NID2: variants seen among roughly 807,000 people sequenced by gnomAD.
NID2 encodes the protein nidogen-2.
In NID2, 83 loss-of-function variants were observed where a neutral mutation model predicts 145.4. The observed-to-expected ratio is 0.57, with a 90% CI of 0.48 to 0.69. NID2 has a LOEUF of 0.69. Ranked by LOEUF, NID2 falls within the 30% of genes least tolerant of loss-of-function variation. NID2 has a pLI of 0.00. For synonymous variants in NID2, 739 were observed against 701.3 expected, an observed-to-expected ratio of 1.05 and a Z score of -0.85; for missense variants, 1,807 against 1,765.7, an observed-to-expected ratio of 1.02 and a Z score of -0.42.
rs773501333 is a variant in NID2, at chr14:52,014,335, A to G, written c.3372T>C (p.Asn1124=). The change falls in exon 16 of 22, where the codon AAT becomes AAC. Residue 1124 remains asparagine (N), a synonymous_variant. Coordinates refer to ENST00000216286, the MANE Select transcript of NID2 (RefSeq NM_007361.4). ...CTGCATCCTTCTGAAGCCTGGTGCC[A>G]TTGAGGGGTAAGTAGCCAATCTGCT... The part of the protein sequence containing the change: ...QGQQIGYLPL[N]GTRLQKDAAK... 15 of 1,614,136 alleles carry G rather than the reference A, an allele frequency of 9.3e-6. No individual in the cohort carries two copies. Among genetic ancestry groups the G allele is most frequent in the Non-Finnish European group, 1.3e-5 (15 of 1,180,042 alleles).
rs746326781 is a variant in NID2 at position 52,011,666 on chromosome 14, T to C, written c.3438A>G (p.Gly1146=). ...TCCTCTCCCGGCAGTCGTAATCAATTCCCACGATTATGGAGCCCTTTGTGC... is the reference window on the plus strand; with the variant it reads ...TCCTCTCCCGGCAGTCGTAATCAATCCCCACGATTATGGAGCCCTTTGTGC... The part of the protein sequence containing the change: ...LLSLHGSIIV[G]IDYDCRERMV... The change falls in exon 17 of 22, where the codon GGA becomes GGG. Residue 1146 remains glycine, a synonymous_variant. Coordinates refer to ENST00000216286, the MANE Select transcript of NID2 (RefSeq NM_007361.4). 6 of 1,614,198 alleles carry C rather than the reference T, an allele frequency of 3.7e-6. No individual in the cohort carries two copies. In the South Asian group the frequency reaches 6.6e-5, roughly 18 times the overall value.
intron 13 of NID2, 68 bp from the exon 14 acceptor site, chr14:52,019,362 C>A (rs745828412): frequency 9.4e-6 from 12 of 1,274,270 alleles, no homozygotes; most frequent in Admixed American, 5.1e-5. Context: ...TCCACTTCAC[C>A]AGCCCACAGC....
At chr14:52,016,619 A>G (rs1440311065) in intron 14 of NID2, among the ~76,000 whole-genome samples, 3 of 152,114 alleles carry the variant, frequency 2.0e-5, no homozygotes, top group African/African-American at 4.8e-5. Context: ...CCTGGTCAAA[A>G]AGCCTCATCC....
rs80149201 is a variant in NID2, at chr14:52,051,243, T to A, written c.1429+2336A>T. Reference sequence around the variant, plus strand: ...TCTGGGCCTTTAACTAAATCTTAATTTCTTGGTTTAGCAAGATGACTACCC... The same window carrying A: ...TCTGGGCCTTTAACTAAATCTTAATATCTTGGTTTAGCAAGATGACTACCC... On this transcript the variant is annotated intron_variant, in intron 5 of 21. Transcript: ENST00000216286. 1.5e-3 allele frequency among the ~76,000 whole-genome samples: 230 copies of A among 152,312 alleles called. 4 individuals carry two copies. Among genetic ancestry groups the A allele is most frequent in the Non-Finnish European group, 1.3e-3 (90 of 68,020 alleles).
chr14:52,064,306 A>C (rs773022398), intron 2 of NID2, among the ~76,000 whole-genome samples: 1 of 152,204 alleles, frequency 6.6e-6, no homozygotes. Context: ...AAAGAAAAGG[A>C]ATTTACTTCT....
chr14:52,037,586 A>G (rs1321306019), intron 9 of NID2, among the ~76,000 whole-genome samples: 2 of 152,234 alleles, frequency 1.3e-5, no homozygotes, highest in Non-Finnish European at 2.9e-5. Flanking sequence ...TTTGAGAAAT[A>G]CAAGTCTGAC....
In NID2 at chr14:52,020,147, G is replaced by A. The variant is rs1319145539; in HGVS notation, c.2706C>T (p.His902=). The stretch of plus-strand genomic sequence containing the variant: ...GAGTATTGTAGCAGGTAGCTGCAGG[G>A]TGACATCTGTTTTCTGAGCATTCAT... ...DVDECSENRC[H]PAATCYNTPG... is the part of the protein sequence containing the mutation. The change falls in exon 13 of 22, where the codon CAC becomes CAT. Residue 902 remains histidine, a synonymous_variant. Transcript: ENST00000216286. 3.7e-6 allele frequency: 6 copies of A among 1,613,950 alleles called. No individual in the cohort carries two copies. The highest frequency in any genetic ancestry group is 5.1e-6 in the Non-Finnish European group (6 of 1,179,938).
rs549569749 is a variant in NID2, at chr14:52,015,741, C to CA, written c.3029-467dup. On this transcript the variant is annotated intron_variant, in intron 14 of 21. Transcript: ENST00000216286. ...ATTTGTATTCATTCCCCACTTGCTT[C>CA]AAGCTTCAAGCTCGAAGCTGCTGAG... Among the ~76,000 whole-genome samples, 30 of 152,290 alleles carry CA rather than the reference C, an allele frequency of 2.0e-4. No individual in the cohort carries two copies. The South Asian group carries it at 6.0e-3, about 31-fold the overall frequency.
At chr14:52,026,163 T>C (rs966767207) in intron 12 of NID2, among the ~76,000 whole-genome samples, 1 of 152,222 alleles carries the variant, frequency 6.6e-6, no homozygotes, top group Non-Finnish European at 1.5e-5. Flanking sequence ...CAGCCCATCC[T>C]GCTGAAACCA....
intron 2 of NID2, among the ~76,000 whole-genome samples, chr14:52,061,194 C>T (rs1045542394): frequency 1.1e-4 from 16 of 152,168 alleles, no homozygotes; most frequent in African/African-American, 3.9e-4. Flanking sequence ...TTCGTGGTTC[C>T]CTGTGCCTAG....
chr14:52,059,945 T>C (rs928370203), intron 3 of NID2, among the ~76,000 whole-genome samples, 179 bp downstream of exon 3: 1 of 152,134 alleles, frequency 6.6e-6, no homozygotes. Context: ...TAAAGGACCT[T>C]TTATGTTTTG....
chr14:52,006,329 TTTCTGGG>T, intron 20 of NID2: 1 of 548,478 alleles, frequency 1.8e-6, no homozygotes, highest in Non-Finnish European at 3.2e-6. Flanking sequence ...TACCATTCGA[TTTCTGGG>T]TGAAGTAAAA....
chr14:52,013,076 T>C (rs1325886970), intron 16 of NID2, among the ~76,000 whole-genome samples: 3 of 152,226 alleles, frequency 2.0e-5, no homozygotes, highest in Non-Finnish European at 4.4e-5. Context: ...AGAGTACACA[T>C]TCAAATGAGC....
intron 2 of NID2, among the ~76,000 whole-genome samples, chr14:52,065,928 A>G (rs1469751771): frequency 1.4e-5 from 2 of 145,554 alleles, no homozygotes; most frequent in Admixed American, 6.9e-5. Context: ...GGTTGGTTCC[A>G]AGTCTTTGCT....
At chr14:52,015,934 T>G (rs1891201496) in intron 14 of NID2, among the ~76,000 whole-genome samples, 1 of 152,192 alleles carries the variant, frequency 6.6e-6, no homozygotes, top group Non-Finnish European at 1.5e-5. Context: ...AGCTTAAAAA[T>G]GGTTCTTCCA....
intron 5 of NID2, among the ~76,000 whole-genome samples, chr14:52,051,652 C>T (rs1444057515): frequency 2.0e-5 from 3 of 152,174 alleles, no homozygotes; most frequent in African/African-American, 2.4e-5. Flanking sequence ...CACTGCATCC[C>T]CTCAAAAGTA....
Position 52,060,363 on chromosome 14 carries a change from GGAA to G in NID2, c.535-10_535-8del. Reference sequence around the variant, plus strand: ...CTGCCTGGAAAGTGTTCAGCTGTGAGGAAAAAAAAAAAAAAAGAGAGAGAGAGA... The same window carrying G: ...CTGCCTGGAAAGTGTTCAGCTGTGAGAAAAAAAAAAAAAGAGAGAGAGAGA... On this transcript the variant is annotated splice_region_variant and splice_polypyrimidine_tract_variant and intron_variant, in intron 2 of 21. Transcript: ENST00000216286. The G allele has an allele frequency of 2.9e-6, 3 of 1,032,084 alleles. No homozygotes were observed. The highest frequency in any genetic ancestry group is 1.3e-6 in the Non-Finnish European group (1 of 794,848). The allele number at this position is 1,032,084 out of a possible 1,614,324, so 63.9% of individuals were successfully genotyped here. A position where few individuals can be genotyped will look rare whatever the true frequency, so the allele number is the denominator to read the frequency against.
intron 13 of NID2, 141 bp downstream of exon 13, chr14:52,019,918 G>A: frequency 2.6e-6 from 3 of 1,167,276 alleles, no homozygotes; most frequent in Non-Finnish European, 3.6e-6. Context: ...GGCAGCAGGA[G>A]GTAACCAAGG....
intron 1 of NID2, among the ~76,000 whole-genome samples, chr14:52,068,472 C>T (rs1893303698): frequency 6.6e-6 from 1 of 152,240 alleles, no homozygotes; most frequent in Non-Finnish European, 1.5e-5. Flanking sequence ...CAGACGGGCA[C>T]AGCCTTCTCG....
Sources: allele counts gnomAD v4.1 joint callset (sites outside exome capture counted in the v4.1 genomes callset), GRCh38; gene constraint gnomAD v4.1.1; transcripts MANE v1.5; gene names NCBI Gene and HGNC (gene_info 2026-07-23, HGNC 2026-07-21).